OCEL1: variants seen among roughly 807,000 people sequenced by gnomAD.
OCEL1 encodes occludin/ELL domain containing 1, also known as occludin/ELL domain-containing protein 1.
In OCEL1, 24 loss-of-function variants were observed where a neutral mutation model predicts 29.4. The ratio of observed to expected loss-of-function variants is 0.82; its 90% confidence interval spans 0.59 to 1.15. OCEL1 has a LOEUF of 1.15. Among genes scored for constraint, OCEL1 ranks in the 50% most tolerant of loss-of-function variants. OCEL1 has a pLI of 0.00. For missense variants in OCEL1, 402 were observed against 352.5 expected, an observed-to-expected ratio of 1.14 and a Z score of -1.13; for synonymous variants, 172 against 145.3, an observed-to-expected ratio of 1.18 and a Z score of -1.32.
rs2073368919 is a variant in OCEL1 at position 17,227,079 on chromosome 19, C to T, written c.332C>T (p.Thr111Ile). ...QPQPGPHKAK[T>I]KKIVFEDELL... ...CAGCCGGGACCCCACAAGGCAAAGA[C>T]CAAGAAGATTGTGTTTGAGGATGAG... The change falls in exon 3 of 6, where the codon ACC becomes ATC. Residue 111 changes from threonine (T) to isoleucine (I), a missense_variant. Thr to Ile is a moderately conservative substitution (Grantham distance 89). Coordinates refer to ENST00000215061, the MANE Select transcript of OCEL1 (RefSeq NM_024578.3). The T allele has an allele frequency of 3.7e-6, 6 of 1,609,064 alleles. No homozygotes were observed. The highest frequency in any genetic ancestry group is 1.7e-5 in the Admixed American group (1 of 58,134).
chr19:17,228,946 A>C lies in OCEL1; in HGVS notation c.*21A>C, dbSNP rs1256428168. On this transcript the variant is annotated 3_prime_UTR_variant, in exon 6 of 6. Transcript: ENST00000215061. Reference sequence around the variant, plus strand: ...TCTAAGTGCCCCTGCAGATGGGCAGAGGGATGCATGGGGATGCAGGTCCCT... The same window carrying C: ...TCTAAGTGCCCCTGCAGATGGGCAGCGGGATGCATGGGGATGCAGGTCCCT... The C allele has an allele frequency of 1.2e-6, 2 of 1,607,728 alleles. No individual in the cohort carries two copies. The highest frequency in any genetic ancestry group is 2.7e-5 in the African/African-American group (2 of 74,860).
In OCEL1 at chr19:17,229,069, C is replaced by T; in HGVS notation, c.*144C>T. The T allele has an allele frequency of 1.1e-6, 1 of 897,676 alleles. No individual in the cohort carries two copies. The highest frequency in any genetic ancestry group is 1.6e-6 in the Non-Finnish European group (1 of 618,024). 55.6% of individuals were successfully genotyped at this position (897,676 alleles called of 1,614,324 possible). A position where few individuals can be genotyped will look rare whatever the true frequency, so the allele number is the denominator to read the frequency against. On this transcript the variant is annotated 3_prime_UTR_variant, in exon 6 of 6. Coordinates refer to ENST00000215061, the MANE Select transcript of OCEL1 (RefSeq NM_024578.3). ...AAATGCCTCTTCAGTTTGGACTCAG[C>T]TCTGACAGCCCCTCCTCCAGGAAGG...
At chr19:17,226,614 C>G (rs1250815354) in intron 1 of OCEL1, 79 bp from the exon 2 acceptor site, 6 of 1,369,736 alleles carry the variant, frequency 4.4e-6, no homozygotes, top group Non-Finnish European at 5.7e-6. Context: ...GAGAGTTGGC[C>G]GCTCTTCGGC....
chr19:17,226,409 G>A, intron 1 of OCEL1, 93 bp downstream of exon 1: 2 of 1,448,846 alleles, frequency 1.4e-6, no homozygotes, highest in Non-Finnish European at 1.9e-6. Flanking sequence ...GGCTCTGCGC[G>A]CCCTGGAGGT....
intron 1 of OCEL1, 63 bp downstream of exon 1, chr19:17,226,379 C>G (rs919769909): frequency 1.5e-5 from 23 of 1,570,504 alleles, no homozygotes; most frequent in Admixed American, 7.5e-5. Flanking sequence ...CGAGGAGCTC[C>G]TCGGGCGCGG....
At chr19:17,228,647 T>A in intron 5 of OCEL1, 156 bp from the exon 6 acceptor site, 1 of 994,820 alleles carries the variant, frequency 1.0e-6, no homozygotes, top group Non-Finnish European at 1.4e-6. Context: ...CTGCTGGGAT[T>A]ACAGGCATGA....
chr19:17,226,538 C>CTGCGGACCAATCGCGTGCGTCTA, intron 1 of OCEL1, 155 bp from the exon 2 acceptor site: 1 of 957,336 alleles, frequency 1.0e-6, no homozygotes. Context: ...CTGGACGTCG[C>CTGCGGACCAATCGCGTGCGTCTA]TGCGGACCAA....
intron 2 of OCEL1, 22 bp downstream of exon 2, chr19:17,226,891 T>C (rs1599446782): frequency 6.7e-7 from 1 of 1,502,452 alleles, no homozygotes. Flanking sequence ...CGGGAGGGGG[T>C]CCCCAGGCCG....
At position 17,227,064 on chromosome 19, in the gene OCEL1, C is replaced by G. The variant is rs979151821; in HGVS notation, c.317C>G (p.Pro106Arg). The change falls in exon 3 of 6, where the codon CCC becomes CGC. Residue 106 changes from proline to arginine, a missense_variant. Physicochemically the swap from Pro to Arg is moderately radical, Grantham distance 103. Coordinates refer to ENST00000215061, the MANE Select transcript of OCEL1 (RefSeq NM_024578.3). The stretch of plus-strand genomic sequence containing the variant: ...CCTCCGTGCCAGCCCCAGCCGGGAC[C>G]CCACAAGGCAAAGACCAAGAAGATT... ...PRPPCQPQPG[P>R]HKAKTKKIVF... 1.9e-6 allele frequency: 3 copies of G among 1,609,270 alleles called. No individual in the cohort carries two copies. Among genetic ancestry groups the G allele is most frequent in the Non-Finnish European group, 2.5e-6 (3 of 1,179,120 alleles).
chr19:17,226,695 C>G lies in OCEL1; in HGVS notation c.72C>G (p.Ala24=). 1 of 1,484,410 alleles carries G rather than the reference C, an allele frequency of 6.7e-7. No homozygotes were observed. 92.0% of individuals were successfully genotyped at this position (1,484,410 alleles called of 1,614,324 possible). ...PGSELQTLGQ[A]ARRPPPPRAG... is the part of the protein sequence containing the mutation. ...CCTCTCCGCGTGTCCACCCACAGGC[C>G]GCCCGCAGACCACCCCCGCCGCGCG... The change falls in exon 2 of 6, where the codon GCC becomes GCG. Residue 24 remains alanine (A), a splice_region_variant and synonymous_variant. Coordinates refer to ENST00000215061, the MANE Select transcript of OCEL1 (RefSeq NM_024578.3).
At position 17,226,698 on chromosome 19, in the gene OCEL1, C is replaced by T. The variant is rs564381771; in HGVS notation, c.75C>T (p.Ala25=). 7.6e-5 allele frequency: 113 copies of T among 1,490,452 alleles called. No individual in the cohort carries two copies. The highest frequency in any genetic ancestry group is 9.7e-5 in the Non-Finnish European group (110 of 1,129,146). 92.3% of individuals were successfully genotyped at this position (1,490,452 alleles called of 1,614,324 possible). A position where few individuals can be genotyped will look rare whatever the true frequency, so the allele number is the denominator to read the frequency against. The change falls in exon 2 of 6, where the codon GCC becomes GCT. Residue 25 remains alanine (A), a synonymous_variant. Transcript: ENST00000215061. ...CTCCGCGTGTCCACCCACAGGCCGCCCGCAGACCACCCCCGCCGCGCGCGG... is the reference window on the plus strand; with the variant it reads ...CTCCGCGTGTCCACCCACAGGCCGCTCGCAGACCACCCCCGCCGCGCGCGG... ...GSELQTLGQA[A]RRPPPPRAGH...
intron 5 of OCEL1, 57 bp from the exon 6 acceptor site, chr19:17,228,746 A>T: frequency 6.3e-7 from 1 of 1,583,298 alleles, no homozygotes; most frequent in South Asian, 1.1e-5. Flanking sequence ...AGAGTTAAGC[A>T]GCTTGAAGGC....
In OCEL1 at chr19:17,226,755, AG is replaced by A; in HGVS notation, c.133del (p.Ala45ProfsTer5). 6.3e-7 allele frequency: 1 copy of A among 1,579,382 alleles called. No homozygotes were observed. Among genetic ancestry groups the A allele is most frequent in the Non-Finnish European group, 8.6e-7 (1 of 1,168,488 alleles). On this transcript the variant is annotated frameshift_variant, in exon 2 of 6. Coordinates refer to ENST00000215061, the MANE Select transcript of OCEL1 (RefSeq NM_024578.3). LOFTEE classifies it high-confidence loss of function. ...HDAPRRTRPSARKPLSCFSRR... is the reference protein window; with the variant it reads ...HDAPRRTRPSXRKPLSCFSRR... Reference sequence around the variant, plus strand: ...ACGCCCCCCGCAGGACCCGCCCATCAGCCCGGAAACCCCTGAGCTGCTTCTC... The same window carrying A: ...ACGCCCCCCGCAGGACCCGCCCATCACCCGGAAACCCCTGAGCTGCTTCTC...
At chr19:17,227,713 A>T in intron 3 of OCEL1, 127 bp from the exon 4 acceptor site, 2 of 825,370 alleles carry the variant, frequency 2.4e-6, no homozygotes, top group Non-Finnish European at 3.7e-6. Context: ...TAAATAAATT[A>T]AAAGAGGGAG....
chr19:17,226,324 G>A lies in OCEL1; in HGVS notation c.69+8G>A, dbSNP rs542637045. The stretch of plus-strand genomic sequence containing the variant: ...CTCCAGACGCTGGGACAGGTGACCC[G>A]GGGCGGTAGCGAGCCGGACGGCCTT... On this transcript the variant is annotated splice_region_variant and intron_variant, in intron 1 of 5. Coordinates refer to ENST00000215061, the MANE Select transcript of OCEL1 (RefSeq NM_024578.3). 10 of 1,610,608 alleles carry A rather than the reference G, an allele frequency of 6.2e-6. No individual in the cohort carries two copies. The African/African-American group carries it at 6.7e-5, about 11-fold the overall frequency.
rs1271829084 is a variant in OCEL1 at position 17,226,275 on chromosome 19, C to T, written c.28C>T (p.Pro10Ser). The change falls in exon 1 of 6, where the codon CCG becomes TCG. Residue 10 changes from proline (P) to serine (S), a missense_variant. Transcript: ENST00000215061. Reference protein sequence around the residue: MHNPDGSASPTADPGSELQT... With the variant: MHNPDGSASSTADPGSELQT... ...GCACAACCCGGACGGAAGTGCCTCTCCGACAGCAGATCCAGGCTCGGAGCT... is the reference window on the plus strand; with the variant it reads ...GCACAACCCGGACGGAAGTGCCTCTTCGACAGCAGATCCAGGCTCGGAGCT... 17 of 1,612,388 alleles carry T rather than the reference C, an allele frequency of 1.1e-5. No homozygotes were observed. The highest frequency in any genetic ancestry group is 1.4e-5 in the Non-Finnish European group (17 of 1,179,548).
chr19:17,226,340 G>T (rs1209298328), intron 1 of OCEL1, 24 bp downstream of exon 1: 3 of 1,606,174 alleles, frequency 1.9e-6, no homozygotes, highest in South Asian at 1.1e-5. Flanking sequence ...GTAGCGAGCC[G>T]GACGGCCTTG....
chr19:17,227,874 AGCC>A lies in OCEL1; in HGVS notation c.490_492del (p.Arg164del). ...GCCAGTGAGCAGTGAGAGGGAACGG[AGCC>A]GCTATGTCGCAGTGTTCCAGGACCA... On this transcript the variant is annotated inframe_deletion, in exon 4 of 6. Transcript: ENST00000215061. The A allele has an allele frequency of 1.2e-6, 2 of 1,613,924 alleles. No individual in the cohort carries two copies. The highest frequency in any genetic ancestry group is 1.7e-6 in the Non-Finnish European group (2 of 1,180,016).
chr19:17,227,140 T>C lies in OCEL1; in HGVS notation c.393T>C (p.Pro131=), dbSNP rs758572010. The C allele has an allele frequency of 4.4e-6, 7 of 1,594,272 alleles. No individual in the cohort carries two copies. Among genetic ancestry groups the C allele is most frequent in the Admixed American group, 1.8e-5 (1 of 54,316 alleles). Residue 131 remains proline, a synonymous_variant, in exon 3 of 6, where the codon CCT becomes CCC. Transcript: ENST00000215061. ...AGGCCCTCCTGGGCGCCAAGAAGCC[T>C]ATTGGAGCCATCCCTAAGGGGCATA... ...LSQALLGAKK[P]IGAIPKGHKP...
Sources: allele counts gnomAD v4.1 joint callset, GRCh38; gene constraint gnomAD v4.1.1; transcripts MANE v1.5; gene names NCBI Gene and HGNC (gene_info 2026-07-23, HGNC 2026-07-21).